The following SEL1L3 variants were observed in gnomAD, a reference collection of about 807,000 sequenced individuals.
The protein encoded by SEL1L3 is protein sel-1 homolog 3.
SEL1L3 carries 76 observed loss-of-function variants against 142.8 expected under a neutral mutation model. The ratio of observed to expected loss-of-function variants is 0.53; its 90% CI spans 0.44 to 0.64. The LOEUF is 0.64. Ranked by LOEUF, SEL1L3 falls within the 30% of genes least tolerant of loss-of-function variation. The pLI, the probability that SEL1L3 is intolerant of heterozygous loss-of-function variation, is 0.00. For missense variants in SEL1L3, 1,262 were observed against 1,381.7 expected, an observed-to-expected ratio of 0.91 and a Z score of 1.37; for synonymous variants, 504 against 519.6, an observed-to-expected ratio of 0.97 and a Z score of 0.41.
chr4:25,756,275 G>A, intron 23 of SEL1L3: 1 of 985,340 alleles, frequency 1.0e-6, no homozygotes, highest in Non-Finnish European at 1.2e-6. Context: ...TGTCTCTTGA[G>A]AGACCGGAGT....
chr4:25,789,880 T>G (rs1285978804), intron 12 of SEL1L3, among the ~76,000 whole-genome samples: 1 of 152,190 alleles, frequency 6.6e-6, no homozygotes, highest in Non-Finnish European at 1.5e-5. Flanking sequence ...CTGCCCTTTC[T>G]CGTACCTCTT....
chr4:25,717,256 G>A, the SEL1L3 span, among the ~76,000 whole-genome samples: 1 of 152,202 alleles, frequency 6.6e-6, no homozygotes, highest in Non-Finnish European at 1.5e-5. Context: ...GGCATAGAGG[G>A]AGGATGAACC....
At chr4:25,737,279 A>G in the SEL1L3 span, among the ~76,000 whole-genome samples, 1 of 152,188 alleles carries the variant, frequency 6.6e-6, no homozygotes, top group Non-Finnish European at 1.5e-5. Flanking sequence ...CACCACGCCC[A>G]GCCTCAGACT....
At chr4:25,829,005 G>C (rs940320617) in intron 6 of SEL1L3, among the ~76,000 whole-genome samples, 5 of 152,014 alleles carry the variant, frequency 3.3e-5, no homozygotes, top group African/African-American at 9.7e-5. Context: ...ACAGAGCCTT[G>C]TTCTGTCACC....
chr4:25,789,696 C>T (rs1250095702), intron 12 of SEL1L3, among the ~76,000 whole-genome samples: 7 of 151,962 alleles, frequency 4.6e-5, no homozygotes, highest in Non-Finnish European at 1.0e-4. Flanking sequence ...TTAGCAGCCC[C>T]AGAGACTCTT....
chr4:25,859,431 T>C (rs1031437080), intron 1 of SEL1L3, among the ~76,000 whole-genome samples: 1 of 152,166 alleles, frequency 6.6e-6, no homozygotes, highest in Admixed American at 6.5e-5. Flanking sequence ...GTATCCTAGC[T>C]ACAGACACAG....
At chr4:25,851,875 G>A (rs926106563) in intron 1 of SEL1L3, among the ~76,000 whole-genome samples, 1 of 136,112 alleles carries the variant, frequency 7.3e-6, no homozygotes, top group African/African-American at 3.0e-5. Flanking sequence ...GCGACAGAGT[G>A]AGACTCTGTC....
chr4:25,736,972 TTTTTTTTTCTTTTTC>T, the SEL1L3 span, among the ~76,000 whole-genome samples: 1 of 46,272 alleles, frequency 2.2e-5, no homozygotes. Flanking sequence ...TATGCTACTC[TTTTTTTTTCTTTTTC>T]TTTTTTTTCT....
Position 25,748,491 on chromosome 4 carries a change from A to T in SEL1L3, c.3333T>A (p.Thr1111=). 6.2e-7 allele frequency: 1 copy of T among 1,611,578 alleles called. No individual in the cohort carries two copies. Among genetic ancestry groups the T allele is most frequent in the Non-Finnish European group, 8.5e-7 (1 of 1,178,780 alleles). Residue 1111 remains threonine, a synonymous_variant, in exon 24 of 24, where the codon ACT becomes ACA. Transcript: ENST00000399878. ...TATSTASPAV[T]PAADASDQDQ... ...CTTGGTCAGAGGCATCTGCAGCTGG[A>T]GTCACAGCTGGACTTGCAGTGGACG...
chr4:25,716,541 T>C, the SEL1L3 span, among the ~76,000 whole-genome samples: 2 of 152,158 alleles, frequency 1.3e-5, no homozygotes, highest in Non-Finnish European at 2.9e-5. Context: ...CTTTAAAAGA[T>C]ACGTACAAAA....
At chr4:25,818,399 G>A (rs1577652828) in intron 8 of SEL1L3, 121 bp from the exon 9 acceptor site, 1 of 901,028 alleles carries the variant, frequency 1.1e-6, no homozygotes, top group East Asian at 3.0e-5. Flanking sequence ...GTTGGTTTTG[G>A]TCCTTTTGGG....
intron 12 of SEL1L3, among the ~76,000 whole-genome samples, chr4:25,789,371 G>T (rs1193436573): frequency 1.3e-5 from 2 of 152,070 alleles, no homozygotes; most frequent in African/African-American, 4.8e-5. Flanking sequence ...CTTGAGGCCA[G>T]GAGTTCAAAA....
rs1442941464 is a variant in SEL1L3, at chr4:25,757,705, T to C, written c.3169A>G (p.Ile1057Val). The change falls in exon 22 of 24, where the codon ATC becomes GTC. Residue 1057 changes from isoleucine to valine, a missense_variant. By Grantham distance (29) the Ile-to-Val change is conservative (BLOSUM62 3). This residue lies in a region of SEL1L3 where 138 missense variants were observed against 129.7 expected (regional missense o/e 1.06). Transcript: ENST00000399878. ...YLHLRLLWGA[I>V]LHSALIYFLG... The stretch of plus-strand genomic sequence containing the variant: ...AAACCTACCAGGGCTGAGTGCAGGA[T>C]AGCACCCCAGAGAAGCCGCAAGTGC... 6.9e-6 allele frequency: 11 copies of C among 1,594,504 alleles called. No homozygotes were observed. Among genetic ancestry groups the C allele is most frequent in the Non-Finnish European group, 5.1e-6 (6 of 1,170,962 alleles).
At chr4:25,730,534 T>C in the SEL1L3 span, among the ~76,000 whole-genome samples, 1 of 152,094 alleles carries the variant, frequency 6.6e-6, no homozygotes, top group Admixed American at 6.5e-5. Context: ...TGTAAGTAGA[T>C]GTAAGGGTAG....
chr4:25,737,631 A>G, the SEL1L3 span, among the ~76,000 whole-genome samples: 1 of 152,194 alleles, frequency 6.6e-6, no homozygotes, highest in African/African-American at 2.4e-5. Flanking sequence ...CATTCAGTCC[A>G]TAACAAAAAT....
intron 6 of SEL1L3, among the ~76,000 whole-genome samples, chr4:25,824,333 C>T (rs533093853): frequency 9.2e-5 from 14 of 152,294 alleles, no homozygotes; most frequent in East Asian, 7.7e-4. Context: ...CATGCAAAAC[C>T]GACTGACTGA....
chr4:25,776,880 G>T (rs549163981), intron 16 of SEL1L3, among the ~76,000 whole-genome samples: 1 of 151,192 alleles, frequency 6.6e-6, no homozygotes, highest in Non-Finnish European at 1.5e-5. Context: ...GGTAAGAAAA[G>T]AGATTAAAAA....
chr4:25,764,485 T>C (rs930746113), intron 20 of SEL1L3, among the ~76,000 whole-genome samples: 4 of 152,206 alleles, frequency 2.6e-5, no homozygotes, highest in Non-Finnish European at 5.9e-5. Context: ...CACCTCTTTT[T>C]GCAACTTTTC....
At chr4:25,809,146 T>C (rs1018377028) in intron 9 of SEL1L3, among the ~76,000 whole-genome samples, 4 of 151,572 alleles carry the variant, frequency 2.6e-5, no homozygotes, top group Non-Finnish European at 5.9e-5. Context: ...TCTTTTTTAT[T>C]TTATTTTATT....
Sources: gnomAD v4.1 joint callset for allele counts (sites outside exome capture counted in the v4.1 genomes callset) on GRCh38, gnomAD v4.1.1 for gene constraint, gnomAD v4.1.1 regional missense constraint, MANE v1.5 for transcripts, NCBI Gene and HGNC (gene_info 2026-07-23, HGNC 2026-07-21) for gene names.